HDAC9: variants seen among roughly 807,000 people sequenced by gnomAD.
HDAC9 encodes histone deacetylase 9, also known as MEF-2 interacting transcription repressor (MITR) protein.
Under a neutral mutation model 139.4 loss-of-function variants are expected in HDAC9, and 41 were observed. The observed-to-expected ratio is 0.29, with a 90% CI of 0.23 to 0.38. The LOEUF is 0.38. Ranked by LOEUF, HDAC9 falls within the 10% of genes least tolerant of loss-of-function variation. The pLI, the probability that HDAC9 is intolerant of heterozygous loss-of-function variation, is 1.00. For synonymous variants in HDAC9, 517 were observed against 476.2 expected (o/e 1.09, Z -1.12); for missense variants, 1,147 against 1,297.0 (o/e 0.88, Z 1.78).
At chr7:18,904,849 A>G (rs555635288) in intron 22 of HDAC9, among the ~76,000 whole-genome samples, 1 of 152,044 alleles carries the variant, frequency 6.6e-6, no homozygotes, top group Non-Finnish European at 1.5e-5. Flanking sequence ...TGCTGGGATT[A>G]CAGGCATGAG....
At chr7:18,628,631 A>C (rs1781416745) in intron 6 of HDAC9, among the ~76,000 whole-genome samples, 1 of 152,216 alleles carries the variant, frequency 6.6e-6, no homozygotes, top group African/African-American at 2.4e-5. Context: ...AGAATATGAA[A>C]TAAATGGTAA....
chr7:18,490,530 G>A (rs562332711), intron 1 of HDAC9, among the ~76,000 whole-genome samples: 1 of 152,110 alleles, frequency 6.6e-6, no homozygotes, highest in Admixed American at 6.6e-5. Context: ...TCTTGCGTCA[G>A]ATGAGGAAGA....
intron 24 of HDAC9, among the ~76,000 whole-genome samples, chr7:18,964,100 A>G (rs1325645714): frequency 1.3e-5 from 2 of 152,168 alleles, no homozygotes; most frequent in East Asian, 3.9e-4. Context: ...AGAGATTGTC[A>G]TGATGTATAG....
intron 12 of HDAC9, among the ~76,000 whole-genome samples, chr7:18,690,610 C>G (rs1239803392): frequency 1.3e-5 from 2 of 151,836 alleles, no homozygotes; most frequent in Admixed American, 1.3e-4. Context: ...CTATTTTCAC[C>G]AGGGTCAAAT....
intron 12 of HDAC9, among the ~76,000 whole-genome samples, chr7:18,681,743 T>A (rs749649549): frequency 1.3e-5 from 2 of 152,016 alleles, no homozygotes; most frequent in Non-Finnish European, 2.9e-5. Context: ...AATCCTGCAC[T>A]AAGAAAGTTA....
chr7:18,972,075 G>A (rs10241581), intron 24 of HDAC9, among the ~76,000 whole-genome samples: 2,333 of 152,254 alleles, frequency 0.015, 53 homozygotes, highest in African/African-American at 0.053. Flanking sequence ...TGCATATTAT[G>A]TGCAAAGAAT....
intron 22 of HDAC9, among the ~76,000 whole-genome samples, chr7:18,911,707 T>C (rs943829952): frequency 1.8e-4 from 27 of 152,000 alleles, no homozygotes; most frequent in Non-Finnish European, 3.1e-4. Flanking sequence ...CTATTTTCAT[T>C]TGTTCCAAGA....
intron 6 of HDAC9, among the ~76,000 whole-genome samples, chr7:18,626,642 C>G (rs1192921721): frequency 6.6e-6 from 1 of 152,152 alleles, no homozygotes; most frequent in East Asian, 1.9e-4. Flanking sequence ...GTGGTAGATA[C>G]AAGACTAAAA....
chr7:18,568,020 G>GTGTGTATATATATATATATATA (rs1402833122), intron 2 of HDAC9, among the ~76,000 whole-genome samples: 1 of 48,848 alleles, frequency 2.0e-5, no homozygotes, highest in African/African-American at 1.2e-4. Flanking sequence ...CAGGATATAT[G>GTGTGTATATATATATATATATA]TATATGTATA....
At chr7:18,813,120 TG>T (rs1794309691) in intron 17 of HDAC9, among the ~76,000 whole-genome samples, 1 of 151,618 alleles carries the variant, frequency 6.6e-6, no homozygotes, top group African/African-American at 2.4e-5. Flanking sequence ...CTGAGTCATT[TG>T]TGAGTCTGTT....
chr7:18,908,582 C>G (rs1362408879), intron 22 of HDAC9, among the ~76,000 whole-genome samples: 1 of 152,072 alleles, frequency 6.6e-6, no homozygotes, highest in Admixed American at 6.6e-5. Flanking sequence ...AAACACTATT[C>G]TACTCTCTAC....
chr7:18,205,680 T>A (rs1374730710), intron 2 of HDAC9, among the ~76,000 whole-genome samples: 1 of 152,110 alleles, frequency 6.6e-6, no homozygotes, highest in Admixed American at 6.5e-5. Flanking sequence ...TCCTATAATC[T>A]TCTCCCTCAG....
chr7:18,577,392 G>C (rs1266406020), intron 2 of HDAC9, among the ~76,000 whole-genome samples: 2 of 152,176 alleles, frequency 1.3e-5, no homozygotes, highest in Non-Finnish European at 2.9e-5. Context: ...TGGTGGCATA[G>C]GGAGGGTTAG....
intron 25 of HDAC9, among the ~76,000 whole-genome samples, chr7:18,994,440 T>TTTATC (rs1229929910): frequency 6.6e-6 from 1 of 152,206 alleles, no homozygotes; most frequent in Non-Finnish European, 1.5e-5. Context: ...GTATGACTCA[T>TTTATC]TTATCTTATG....
intron 1 of HDAC9, among the ~76,000 whole-genome samples, chr7:18,295,896 C>CA (rs1408258333): frequency 9.2e-5 from 14 of 152,252 alleles, no homozygotes; most frequent in Non-Finnish European, 1.5e-4. Context: ...CCCCCCACAA[C>CA]AAAGAATTAT....
chr7:18,439,527 T>C (rs190190155), intron 1 of HDAC9, among the ~76,000 whole-genome samples: 15 of 152,266 alleles, frequency 9.9e-5, no homozygotes, highest in African/African-American at 3.4e-4. Flanking sequence ...AATGCTAATA[T>C]GCCCACCATC....
chr7:18,249,928 G>A (rs189292089), intron 2 of HDAC9, among the ~76,000 whole-genome samples: 183 of 152,186 alleles, frequency 1.2e-3, no homozygotes, highest in African/African-American at 4.3e-3. Context: ...TTCTACTCTA[G>A]GAACTGGAAA....
At chr7:18,525,004 T>C (rs1023725569) in intron 2 of HDAC9, among the ~76,000 whole-genome samples, 1 of 152,116 alleles carries the variant, frequency 6.6e-6, no homozygotes, top group African/African-American at 2.4e-5. Flanking sequence ...AGAAATCTTA[T>C]GAGACTTTAA....
intron 1 of HDAC9, among the ~76,000 whole-genome samples, chr7:18,459,203 A>G (rs964206054): frequency 5.9e-5 from 9 of 152,106 alleles, no homozygotes; most frequent in African/African-American, 2.2e-4. Context: ...AGGCCCCTGC[A>G]TTCCTTCCTC....
Sources: gnomAD v4.1 joint callset for allele counts (sites outside exome capture counted in the v4.1 genomes callset) on GRCh38, gnomAD v4.1.1 for gene constraint, MANE v1.5 for transcripts, NCBI Gene and HGNC (gene_info 2026-07-23, HGNC 2026-07-21) for gene names.